The following CADM1 variants were observed in gnomAD, a reference collection of about 807,000 sequenced individuals.
CADM1 encodes the protein cell adhesion molecule 1, also known as TSLC-1.
A neutral mutation model predicts 53.1 loss-of-function variants in CADM1; 15 were observed. The ratio of observed to expected loss-of-function variants is 0.28; its 90% CI spans 0.19 to 0.44. The LOEUF (loss-of-function observed/expected upper bound fraction) is 0.44, where lower values mean the gene tolerates loss of function less well. Among genes scored for constraint, CADM1 ranks in the 20% least tolerant of loss-of-function variants. CADM1 has a pLI of 1.00. For synonymous variants in CADM1, 281 were observed against 243.0 expected (o/e 1.16, Z -1.45); for missense variants, 434 against 611.3 (o/e 0.71, Z 3.06).
chr11:115,482,882 T>A (rs1949289380), intron 1 of CADM1, among the ~76,000 whole-genome samples: 3 of 152,242 alleles, frequency 2.0e-5, no homozygotes, highest in Non-Finnish European at 4.4e-5. Context: ...TCATTCCTTA[T>A]ATTAAGATTT....
intron 1 of CADM1, among the ~76,000 whole-genome samples, chr11:115,468,833 A>C (rs766351105): frequency 6.6e-6 from 1 of 152,210 alleles, no homozygotes; most frequent in Non-Finnish European, 1.5e-5. Flanking sequence ...ATAATGGACT[A>C]ACAGCTCCAC....
intron 1 of CADM1, among the ~76,000 whole-genome samples, chr11:115,327,376 A>G (rs1944985272): frequency 6.6e-6 from 1 of 152,098 alleles, no homozygotes; most frequent in Non-Finnish European, 1.5e-5. Context: ...GATGCTGCTC[A>G]CTCTATCGGG....
intron 1 of CADM1, among the ~76,000 whole-genome samples, chr11:115,247,633 C>T (rs1259909299): frequency 6.6e-6 from 1 of 152,160 alleles, no homozygotes; most frequent in Non-Finnish European, 1.5e-5. Context: ...GGTGGTGGCT[C>T]ACCACAATGC....
chr11:115,365,267 C>T (rs1176067812), intron 1 of CADM1, among the ~76,000 whole-genome samples: 3 of 152,118 alleles, frequency 2.0e-5, no homozygotes, highest in African/African-American at 7.2e-5. Flanking sequence ...TTCATTGTTT[C>T]TATCAAAATT....
At chr11:115,278,961 G>A (rs540195354) in intron 1 of CADM1, among the ~76,000 whole-genome samples, 6 of 152,306 alleles carry the variant, frequency 3.9e-5, no homozygotes, top group South Asian at 2.1e-4. Flanking sequence ...CCTGGAGGAC[G>A]TGGGCAGGGA....
intron 1 of CADM1, among the ~76,000 whole-genome samples, chr11:115,416,449 A>G (rs1233953350): frequency 1.3e-5 from 2 of 152,154 alleles, no homozygotes; most frequent in African/African-American, 4.8e-5. Context: ...AAGTAGCACA[A>G]ATCACATCTA....
intron 1 of CADM1, among the ~76,000 whole-genome samples, chr11:115,445,491 T>C (rs1305261594): frequency 7.2e-6 from 1 of 139,578 alleles, no homozygotes; most frequent in East Asian, 2.0e-4. Flanking sequence ...TATTATACCA[T>C]GCAATCATTG....
In CADM1 at chr11:115,217,911, C is replaced by T. The variant is rs1339653529; in HGVS notation, c.802G>A (p.Glu268Lys). 1.6e-5 allele frequency: 26 copies of T among 1,613,438 alleles called. No homozygotes were observed. Among genetic ancestry groups the T allele is most frequent in the Non-Finnish European group, 2.1e-5 (25 of 1,179,572 alleles). ...ACTTACTGGGGCTTCCCGATGGCTT[C>T]ACATGTTAACTCAAGCGCGTCCCCT... ...REGDALELTC[E>K]AIGKPQPVMV... The change falls in exon 6 of 12, where the codon GAA becomes AAA. Residue 268 changes from glutamate (E) to lysine (K), a missense_variant. This residue lies in a region of CADM1 where 311 missense variants were observed against 435.1 expected (regional missense o/e 0.71). Coordinates refer to ENST00000331581, the MANE Select transcript of CADM1 (RefSeq NM_001301043.2).
chr11:115,393,391 A>G (rs1349822476), intron 1 of CADM1, among the ~76,000 whole-genome samples: 1 of 151,860 alleles, frequency 6.6e-6, no homozygotes, highest in Admixed American at 6.6e-5. Flanking sequence ...CTTTAGAATT[A>G]GAAAAAAATT....
At chr11:115,263,915 A>C (rs72994087) in intron 1 of CADM1, among the ~76,000 whole-genome samples, 20,166 of 152,174 alleles carry the variant, frequency 0.13, 1,585 homozygotes, top group African/African-American at 0.2. Flanking sequence ...AGAGCTGAGA[A>C]TCTGCTATAG....
chr11:115,209,940 C>T (rs1940881055), intron 7 of CADM1, among the ~76,000 whole-genome samples: 1 of 152,200 alleles, frequency 6.6e-6, no homozygotes, highest in Admixed American at 6.5e-5. Flanking sequence ...CGACACCCCT[C>T]TTCCCTACCA....
At chr11:115,339,800 A>G (rs1429198321) in intron 1 of CADM1, among the ~76,000 whole-genome samples, 1 of 152,218 alleles carries the variant, frequency 6.6e-6, no homozygotes, top group East Asian at 1.9e-4. Flanking sequence ...CTTTTAATTT[A>G]TAGCACAGAA....
chr11:115,299,557 T>C lies in CADM1; in HGVS notation c.125-59137A>G, dbSNP rs573758092. Among the ~76,000 whole-genome samples the C allele has an allele frequency of 2.6e-5, 4 of 152,234 alleles. 1 individual carries two copies. In the South Asian group the frequency reaches 8.3e-4, roughly 32 times the overall value. ...TCATGGTGGAAAGATGTTTAAAAGG[T>C]ATGTCCTGTAAATTAGGAGATATTT... On this transcript the variant is annotated intron_variant, in intron 1 of 11. Coordinates refer to ENST00000331581, the MANE Select transcript of CADM1 (RefSeq NM_001301043.2).
At chr11:115,185,767 AG>A (rs1031457952) in intron 10 of CADM1, among the ~76,000 whole-genome samples, 2 of 152,204 alleles carry the variant, frequency 1.3e-5, no homozygotes, top group African/African-American at 2.4e-5. Context: ...ATGACACCAG[AG>A]TTTCCCTTAA....
intron 1 of CADM1, among the ~76,000 whole-genome samples, chr11:115,439,547 A>T (rs544266206): frequency 6.6e-6 from 1 of 152,246 alleles, no homozygotes; most frequent in Non-Finnish European, 1.5e-5. Flanking sequence ...TGCTGTTGAC[A>T]GACTGCAGCT....
Position 115,231,386 on chromosome 11 carries a change from T to C in CADM1, c.529A>G (p.Ile177Val). The C allele has an allele frequency of 6.2e-7, 1 of 1,614,202 alleles. No individual in the cohort carries two copies. The highest frequency in any genetic ancestry group is 2.2e-5 in the East Asian group (1 of 44,882). ...TCTGTGTTCCCTTTGAACCACCTGA[T>C]AGTCGTGGCTGGCTTGCTGGCCATA... is the stretch of plus-strand genomic sequence containing the variant. ...TAMASKPATTIRWFKGNTELK... is the reference protein window; with the variant it reads ...TAMASKPATTVRWFKGNTELK... The change falls in exon 4 of 12, where the codon ATC becomes GTC. Residue 177 changes from isoleucine (I) to valine (V), a missense_variant. Physicochemically the swap from Ile to Val is conservative, Grantham distance 29 (BLOSUM62 3). Transcript: ENST00000331581.
At position 115,197,459 on chromosome 11, in the gene CADM1, C is replaced by T. The variant is rs1266970983; in HGVS notation, c.1111+947G>A. Among the ~76,000 whole-genome samples the T allele has an allele frequency of 3.2e-3, 3 of 938 alleles. 1 individual carries two copies. The Non-Finnish European group carries it at 0.037, about 12-fold the overall frequency. The allele number at this position is 938 out of a possible 152,430, so 0.6% of individuals were successfully genotyped here. A position where few individuals can be genotyped will look rare whatever the true frequency, so the allele number is the denominator to read the frequency against. On this transcript the variant is annotated intron_variant, in intron 9 of 11. Coordinates refer to ENST00000331581, the MANE Select transcript of CADM1 (RefSeq NM_001301043.2). ...CAGCCCAGTTTTAAACATATCTTTT[C>T]TAAGCAGTCTTGTCAGGGCTAGATT...
intron 5 of CADM1, among the ~76,000 whole-genome samples, chr11:115,221,478 G>A (rs1248249482): frequency 6.6e-6 from 1 of 152,156 alleles, no homozygotes; most frequent in East Asian, 1.9e-4. Flanking sequence ...ATTCTGATTT[G>A]ATGAGACTTT....
intron 1 of CADM1, among the ~76,000 whole-genome samples, chr11:115,424,217 C>T (rs1412865197): frequency 6.6e-6 from 1 of 152,206 alleles, no homozygotes; most frequent in Non-Finnish European, 1.5e-5. Context: ...AAACACATTC[C>T]AAAGCCCCAG....
Sources: allele counts gnomAD v4.1 joint callset (sites outside exome capture counted in the v4.1 genomes callset), GRCh38; gene constraint gnomAD v4.1.1; regional missense constraint gnomAD v4.1.1; transcripts MANE v1.5; gene names NCBI Gene and HGNC (gene_info 2026-07-23, HGNC 2026-07-21).